SPRED1: variants seen among roughly 807,000 people sequenced by gnomAD.
SPRED1 encodes the protein sprouty-related, EVH1 domain-containing protein 1.
SPRED1 carries 18 observed loss-of-function variants against 52.3 expected under a neutral mutation model. The ratio of observed to expected loss-of-function variants is 0.34; its 90% confidence interval spans 0.24 to 0.51. SPRED1 has a LOEUF of 0.51. Among genes scored for constraint, SPRED1 ranks in the 20% least tolerant of loss-of-function variants. SPRED1 has a pLI of 0.97. For missense variants in SPRED1, 485 were observed against 551.0 expected, an observed-to-expected ratio of 0.88 and a Z score of 1.20; for synonymous variants, 155 against 179.7, an observed-to-expected ratio of 0.86 and a Z score of 1.10.
chr15:38,326,617 A>G (rs1895713926), intron 4 of SPRED1, among the ~76,000 whole-genome samples: 1 of 152,196 alleles, frequency 6.6e-6, no homozygotes, highest in African/African-American at 2.4e-5. Context: ...CAGAAGTTTA[A>G]GGTTGAGAAG....
At chr15:38,275,878 T>C (rs540582378) in intron 1 of SPRED1, among the ~76,000 whole-genome samples, 98 of 152,330 alleles carry the variant, frequency 6.4e-4, no homozygotes, top group Admixed American at 5.8e-3. Context: ...CCAGGTAAGG[T>C]GATCCAGTTG....
intron 5 of SPRED1, among the ~76,000 whole-genome samples, chr15:38,346,366 A>C (rs1896136177): frequency 6.6e-6 from 1 of 152,104 alleles, no homozygotes; most frequent in Non-Finnish European, 1.5e-5. Context: ...AAAGTCTTAT[A>C]GGCCTGGAAG....
chr15:38,356,138 G>C lies in SPRED1; in HGVS notation c.*4474G>C, dbSNP rs1888614806. The C allele has an allele frequency of 6.6e-6, 1 of 152,090 alleles. No individual in the cohort carries two copies. Among genetic ancestry groups the C allele is most frequent in the East Asian group, 1.9e-4 (1 of 5,200 alleles). The allele number at this position is 152,090 out of a possible 1,614,324, so 9.4% of individuals were successfully genotyped here. A position where few individuals can be genotyped will look rare whatever the true frequency, so the allele number is the denominator to read the frequency against. ...ACATAGATTTTTGTGAACATTTCCA[G>C]TGTGTAGTGTCGTTTGCTTTCTATT... On this transcript the variant is annotated 3_prime_UTR_variant, in exon 7 of 7. Transcript: ENST00000299084.
chr15:38,316,387 G>A (rs888541157), intron 2 of SPRED1, among the ~76,000 whole-genome samples: 7 of 151,962 alleles, frequency 4.6e-5, no homozygotes, highest in African/African-American at 1.7e-4. Flanking sequence ...AGTTATTTTT[G>A]TTACCACTGG....
intron 2 of SPRED1, among the ~76,000 whole-genome samples, chr15:38,302,113 G>C (rs1895159384): frequency 6.6e-6 from 1 of 152,008 alleles, no homozygotes; most frequent in Non-Finnish European, 1.5e-5. Context: ...TGAGATTCTT[G>C]CCCCTCATAT....
chr15:38,331,907 A>G (rs181612520), intron 4 of SPRED1, among the ~76,000 whole-genome samples: 42 of 152,334 alleles, frequency 2.8e-4, no homozygotes, highest in Admixed American at 1.6e-3. Context: ...ACACCAAGAT[A>G]TATGTAAAAA....
intron 2 of SPRED1, among the ~76,000 whole-genome samples, chr15:38,306,089 T>TC (rs1306158541): frequency 1.3e-5 from 2 of 152,148 alleles, no homozygotes; most frequent in African/African-American, 4.8e-5. Flanking sequence ...TCTTTAGGAT[T>TC]CCCCACTGAT....
chr15:38,343,606 A>G (rs1896073300), intron 5 of SPRED1, among the ~76,000 whole-genome samples: 1 of 152,210 alleles, frequency 6.6e-6, no homozygotes, highest in East Asian at 1.9e-4. Context: ...AGAGAGAACA[A>G]AAAAACTTCT....
chr15:38,272,659 A>G (rs1188585304), intron 1 of SPRED1, among the ~76,000 whole-genome samples: 1 of 152,074 alleles, frequency 6.6e-6, no homozygotes, highest in Non-Finnish European at 1.5e-5. Context: ...AGCATTGTGT[A>G]AGTGTTCCTT....
intron 1 of SPRED1, chr15:38,298,429 A>G (rs1209296549): frequency 3.8e-6 from 1 of 263,566 alleles, no homozygotes; most frequent in South Asian, 3.5e-5. Flanking sequence ...CATAATTGCC[A>G]ACAACTAGAA....
chr15:38,261,534 G>C (rs1894204506), intron 1 of SPRED1, among the ~76,000 whole-genome samples: 1 of 152,134 alleles, frequency 6.6e-6, no homozygotes, highest in African/African-American at 2.4e-5. Flanking sequence ...AATTTAATCT[G>C]TATGACAGGA....
intron 4 of SPRED1, among the ~76,000 whole-genome samples, chr15:38,333,142 G>A (rs898954533): frequency 2.6e-5 from 4 of 152,224 alleles, no homozygotes; most frequent in Non-Finnish European, 4.4e-5. Context: ...CAGGAAAAAC[G>A]TAAGTAAAAG....
chr15:38,312,134 C>T (rs909378619), intron 2 of SPRED1, among the ~76,000 whole-genome samples: 13 of 151,854 alleles, frequency 8.6e-5, no homozygotes, highest in African/African-American at 3.1e-4. Flanking sequence ...TGAATATCTC[C>T]AACTGTCATG....
In SPRED1 at chr15:38,352,966, T is replaced by C. The variant is rs1368619939; in HGVS notation, c.*1302T>C. On this transcript the variant is annotated 3_prime_UTR_variant, in exon 7 of 7. Transcript: ENST00000299084. ...GCATTATATTACTGGATGTTTAATTTACAAAATAGTTGGGTAAATGTTCCA... is the reference window on the plus strand; with the variant it reads ...GCATTATATTACTGGATGTTTAATTCACAAAATAGTTGGGTAAATGTTCCA... 1.3e-5 allele frequency: 2 copies of C among 152,204 alleles called. No individual in the cohort carries two copies. Among genetic ancestry groups the C allele is most frequent in the African/African-American group, 4.8e-5 (2 of 41,464 alleles). 9.4% of individuals were successfully genotyped at this position (152,204 alleles called of 1,614,324 possible).
At chr15:38,263,326 A>G (rs5017263) in intron 1 of SPRED1, among the ~76,000 whole-genome samples, 21,150 of 152,228 alleles carry the variant, frequency 0.14, 1,959 homozygotes, top group Non-Finnish European at 0.2. Flanking sequence ...GTGTCCAACA[A>G]GGTGCTTTAA....
intron 1 of SPRED1, among the ~76,000 whole-genome samples, chr15:38,284,185 C>T (rs1894753930): frequency 6.6e-6 from 1 of 152,052 alleles, no homozygotes; most frequent in South Asian, 2.1e-4. Context: ...CTGTATCAGC[C>T]TGTGAAAATA....
intron 1 of SPRED1, among the ~76,000 whole-genome samples, chr15:38,267,693 T>C (rs1894339359): frequency 6.6e-6 from 1 of 152,226 alleles, no homozygotes. Context: ...TTTGTTATAA[T>C]GTTACTACTC....
intron 2 of SPRED1, among the ~76,000 whole-genome samples, chr15:38,302,053 T>TG (rs2140980340): frequency 6.6e-6 from 1 of 152,306 alleles, no homozygotes; most frequent in South Asian, 2.1e-4. Flanking sequence ...GTAACCATTT[T>TG]GCCTGTGGAT....
rs765637726 is a variant in SPRED1 at position 38,278,828 on chromosome 15, G to GTTTTTTTTTTT, written c.33-20540_33-20530dup. Among the ~76,000 whole-genome samples the GTTTTTTTTTTT allele has an allele frequency of 1.7e-3, 200 of 118,204 alleles. 4 individuals are homozygous for GTTTTTTTTTTT. The highest frequency in any genetic ancestry group is 3.5e-3 in the African/African-American group (115 of 32,464). 77.5% of individuals were successfully genotyped at this position (118,204 alleles called of 152,430 possible). ...ACAACCATTATAACCTAACTACACT[G>GTTTTTTTTTTT]TTTTTTTTTTTTTTTGTGAAATGAA... On this transcript the variant is annotated intron_variant, in intron 1 of 6. Coordinates refer to ENST00000299084, the MANE Select transcript of SPRED1 (RefSeq NM_152594.3).
Sources: allele counts gnomAD v4.1 joint callset (sites outside exome capture counted in the v4.1 genomes callset), GRCh38; gene constraint gnomAD v4.1.1; transcripts MANE v1.5; gene names NCBI Gene and HGNC (gene_info 2026-07-23, HGNC 2026-07-21).